Variants in RHOBTB1 observed in about 807,000 individuals in gnomAD.
RHOBTB1 encodes the protein Rho related BTB domain containing 1.
A neutral mutation model predicts 71.6 loss-of-function variants in RHOBTB1; 40 were observed. The observed-to-expected ratio is 0.56, with a 90% CI of 0.43 to 0.73. The LOEUF is 0.73. Ranked by LOEUF, RHOBTB1 falls within the 30% of genes least tolerant of loss-of-function variation. The pLI, the probability that RHOBTB1 is intolerant of heterozygous loss-of-function variation, is 0.00. For missense variants in RHOBTB1, 797 were observed against 894.0 expected, an observed-to-expected ratio of 0.89 and a Z score of 1.38; for synonymous variants, 319 against 334.9, an observed-to-expected ratio of 0.95 and a Z score of 0.52.
upstream of RHOBTB1, among the ~76,000 whole-genome samples, chr10:60,947,798 G>A (rs1379562442): frequency 6.6e-6 from 1 of 152,118 alleles, no homozygotes; most frequent in Non-Finnish European, 1.5e-5. Flanking sequence ...GTAAACATTT[G>A]TGTATAGGTT....
chr10:60,929,305 A>G (rs576432544), intron 2 of RHOBTB1, among the ~76,000 whole-genome samples: 10 of 152,304 alleles, frequency 6.6e-5, no homozygotes, highest in African/African-American at 2.2e-4. Flanking sequence ...ATCCATAATA[A>G]TTGAAAATGA....
chr10:60,914,658 G>T (rs1394423806), intron 2 of RHOBTB1, among the ~76,000 whole-genome samples: 1 of 152,146 alleles, frequency 6.6e-6, no homozygotes. Context: ...AATCATAGCA[G>T]CACTGACGGA....
chr10:60,879,998 T>C (rs1774053761), intron 7 of RHOBTB1, among the ~76,000 whole-genome samples: 1 of 152,136 alleles, frequency 6.6e-6, no homozygotes, highest in Non-Finnish European at 1.5e-5. Flanking sequence ...TACACAGCAT[T>C]TGCATTGTAT....
chr10:60,895,350 T>C (rs1476321526), intron 4 of RHOBTB1, among the ~76,000 whole-genome samples: 2 of 152,224 alleles, frequency 1.3e-5, no homozygotes, highest in East Asian at 3.8e-4. Context: ...TTAGGTGCTA[T>C]GAGAATCTGT....
intron 2 of RHOBTB1, among the ~76,000 whole-genome samples, chr10:60,960,611 T>G (rs2085745987): frequency 6.6e-6 from 1 of 152,212 alleles, no homozygotes; most frequent in African/African-American, 2.4e-5. Flanking sequence ...GGGTTTAAGT[T>G]ATATTCCTCT....
chr10:60,887,355 TAAAGAC>T (rs925754263), intron 6 of RHOBTB1, among the ~76,000 whole-genome samples: 1 of 152,122 alleles, frequency 6.6e-6, no homozygotes, highest in African/African-American at 2.4e-5. Context: ...TTATAAAAGA[TAAAGAC>T]AAAGGTAGAG....
At chr10:60,985,677 T>C (rs2086639114) in intron 2 of RHOBTB1, among the ~76,000 whole-genome samples, 2 of 152,190 alleles carry the variant, frequency 1.3e-5, no homozygotes, top group South Asian at 4.1e-4. Context: ...AAACCCATAA[T>C]TGAACTAAAA....
intron 2 of RHOBTB1, among the ~76,000 whole-genome samples, chr10:60,964,599 G>A (rs554445991): frequency 1.3e-4 from 20 of 152,092 alleles, no homozygotes; most frequent in Admixed American, 8.5e-4. Flanking sequence ...TTTTAAACAC[G>A]TCATTTCTTG....
chr10:60,902,200 T>C (rs2133122952), intron 4 of RHOBTB1, among the ~76,000 whole-genome samples: 1 of 152,330 alleles, frequency 6.6e-6, no homozygotes, highest in South Asian at 2.1e-4. Context: ...ATGGTACATG[T>C]ATCTTCTGTG....
At chr10:60,953,995 T>C (rs2134426180) in intron 2 of RHOBTB1, among the ~76,000 whole-genome samples, 1 of 152,352 alleles carries the variant, frequency 6.6e-6, no homozygotes, top group East Asian at 1.9e-4. Flanking sequence ...TTCCATGTTA[T>C]TGTGGTTTAA....
chr10:60,887,051 T>A (rs1003835274), intron 6 of RHOBTB1, among the ~76,000 whole-genome samples: 1 of 151,326 alleles, frequency 6.6e-6, no homozygotes, highest in Non-Finnish European at 1.5e-5. Flanking sequence ...TCTCCAATTA[T>A]CCCTAAATCG....
At chr10:60,902,341 G>T (rs1320974693) in intron 4 of RHOBTB1, among the ~76,000 whole-genome samples, 1 of 151,864 alleles carries the variant, frequency 6.6e-6, no homozygotes, top group Non-Finnish European at 1.5e-5. Flanking sequence ...TGTTTGTTTT[G>T]GATGATCACA....
At chr10:60,863,951 C>T in the RHOBTB1 span, among the ~76,000 whole-genome samples, 7 of 152,210 alleles carry the variant, frequency 4.6e-5, no homozygotes, top group Admixed American at 4.6e-4. Flanking sequence ...GCTGCAGCTG[C>T]TTTCCCTGCC....
intron 6 of RHOBTB1, among the ~76,000 whole-genome samples, chr10:60,886,567 C>G (rs1248344027): frequency 6.6e-6 from 1 of 152,144 alleles, no homozygotes; most frequent in African/African-American, 2.4e-5. Flanking sequence ...CTCATTTATC[C>G]TTGTTAACAT....
At chr10:60,877,520 A>T (rs1043362393) in intron 8 of RHOBTB1, among the ~76,000 whole-genome samples, 3 of 152,210 alleles carry the variant, frequency 2.0e-5, no homozygotes, top group Admixed American at 6.5e-5. Context: ...CTGTTTTCCT[A>T]AACAGTGCAT....
At chr10:60,970,060 T>G (rs2086101350) in intron 2 of RHOBTB1, among the ~76,000 whole-genome samples, 3 of 152,120 alleles carry the variant, frequency 2.0e-5, no homozygotes, top group Admixed American at 6.6e-5. Context: ...GTATTTCCAG[T>G]GCACTCTCCA....
intron 2 of RHOBTB1, among the ~76,000 whole-genome samples, chr10:60,973,130 T>C (rs1341152816): frequency 6.6e-6 from 1 of 152,088 alleles, no homozygotes; most frequent in Non-Finnish European, 1.5e-5. Context: ...GGATTCAATA[T>C]GGACTGCCTC....
chr10:60,967,281 G>A (rs1303848595), intron 2 of RHOBTB1, among the ~76,000 whole-genome samples: 1 of 147,976 alleles, frequency 6.8e-6, no homozygotes, highest in Non-Finnish European at 1.5e-5. Context: ...TTCTTTGTTT[G>A]CCTGTTTTTT....
chr10:60,957,265 T>C (rs554474999), intron 2 of RHOBTB1, among the ~76,000 whole-genome samples: 1 of 152,334 alleles, frequency 6.6e-6, no homozygotes, highest in South Asian at 2.1e-4. Context: ...TACTATGTGC[T>C]GTACCTAATT....
Sources: gnomAD v4.1 joint callset for allele counts (sites outside exome capture counted in the v4.1 genomes callset) on GRCh38, gnomAD v4.1.1 for gene constraint, MANE v1.5 for transcripts, NCBI Gene and HGNC (gene_info 2026-07-23, HGNC 2026-07-21) for gene names.